NUP43: variants seen among roughly 807,000 people sequenced by gnomAD.
NUP43 encodes nucleoporin Nup43.
A neutral mutation model predicts 47.3 loss-of-function variants in NUP43; 32 were observed. That is an observed-to-expected ratio of 0.68 (90% CI 0.51 to 0.91). The LOEUF is 0.91. NUP43 is among the 40% of genes least tolerant of loss of function. The pLI, the probability that NUP43 is intolerant of heterozygous loss-of-function variation, is 0.00. For missense variants in NUP43, 444 were observed against 453.9 expected, an observed-to-expected ratio of 0.98 and a Z score of 0.20; for synonymous variants, 147 against 158.4, an observed-to-expected ratio of 0.93 and a Z score of 0.54.
chr6:149,740,251 G>C (rs1396476026), intron 4 of NUP43, among the ~76,000 whole-genome samples: 1 of 140,298 alleles, frequency 7.1e-6, no homozygotes, highest in Admixed American at 7.3e-5. Flanking sequence ...ACTCCAGCCT[G>C]GGTGACAGAG....
At position 149,744,359 on chromosome 6, in the gene NUP43, A is replaced by G. The variant is rs1453912402; in HGVS notation, c.244-644T>C. Among the ~76,000 whole-genome samples the G allele has an allele frequency of 2.6e-5, 4 of 151,712 alleles. No individual in the cohort carries two copies. The East Asian group carries it at 7.8e-4, about 30-fold the overall frequency. On this transcript the variant is annotated intron_variant, in intron 2 of 7. Coordinates refer to ENST00000340413, the MANE Select transcript of NUP43 (RefSeq NM_198887.3). ...GCCAATACGTTGAAACCTCATCTCTACTAAAAATACAAAAATTAGCTGGGC... is the reference window on the plus strand; with the variant it reads ...GCCAATACGTTGAAACCTCATCTCTGCTAAAAATACAAAAATTAGCTGGGC...
chr6:149,729,520 T>A (rs1784930626), intron 7 of NUP43: 42 of 984,914 alleles, frequency 4.3e-5, no homozygotes, highest in Non-Finnish European at 4.9e-5. Context: ...CCTTTTCTCC[T>A]AATTCAGAAC....
chr6:149,728,537 T>A, intron 7 of NUP43: 1 of 522,682 alleles, frequency 1.9e-6, no homozygotes, highest in Non-Finnish European at 2.5e-6. Flanking sequence ...TTACTGCCCC[T>A]ACATTTTACA....
At chr6:149,739,044 G>C (rs1458282624) in intron 4 of NUP43, among the ~76,000 whole-genome samples, 7 of 150,228 alleles carry the variant, frequency 4.7e-5, no homozygotes, top group Non-Finnish European at 1.0e-4. Flanking sequence ...GCAATGGCGC[G>C]ATCTCGGCTC....
At chr6:149,746,697 G>C, upstream of NUP43, 2 of 1,524,104 alleles carry the variant, frequency 1.3e-6, no homozygotes, top group Non-Finnish European at 1.8e-6. Flanking sequence ...GCAGCTCTGA[G>C]CAAAGGCAAG....
intron 7 of NUP43, among the ~76,000 whole-genome samples, chr6:149,730,729 G>A (rs1023448834): frequency 1.3e-5 from 2 of 152,004 alleles, no homozygotes; most frequent in African/African-American, 4.8e-5. Context: ...TCAGGAGTTT[G>A]AGAGCAGCCT....
Position 149,726,860 on chromosome 6 carries a change from A to AT in NUP43, c.*108dup. On this transcript the variant is annotated 3_prime_UTR_variant, in exon 8 of 8. Coordinates refer to ENST00000340413, the MANE Select transcript of NUP43 (RefSeq NM_198887.3). ...CATTGACATTAATGGTAGTTTACTGATGTTTCCCCTGCAAATCTCGTATTT... is the reference window on the plus strand; with the variant it reads ...CATTGACATTAATGGTAGTTTACTGATTGTTTCCCCTGCAAATCTCGTATTT... The AT allele has an allele frequency of 1.3e-6, 1 of 785,332 alleles. No homozygotes were observed. The highest frequency in any genetic ancestry group is 2.1e-6 in the Non-Finnish European group (1 of 473,352). The allele number at this position is 785,332 out of a possible 1,614,324, so 48.6% of individuals were successfully genotyped here. A position where few individuals can be genotyped will look rare whatever the true frequency, so the allele number is the denominator to read the frequency against.
At chr6:149,733,248 GAAATAGC>G (rs1417360312) in intron 6 of NUP43, among the ~76,000 whole-genome samples, 1 of 152,126 alleles carries the variant, frequency 6.6e-6, no homozygotes, top group Admixed American at 6.6e-5. Context: ...CTTTATCACA[GAAATAGC>G]AACTGACTTC....
intron 4 of NUP43, among the ~76,000 whole-genome samples, chr6:149,740,811 T>G (rs1050908266): frequency 2.6e-5 from 4 of 152,196 alleles, no homozygotes; most frequent in African/African-American, 9.6e-5. Context: ...TTCTGTGATT[T>G]TGCATTACAG....
intron 7 of NUP43, chr6:149,727,489 A>G: frequency 1.0e-6 from 1 of 985,202 alleles, no homozygotes; most frequent in Non-Finnish European, 1.2e-6. Flanking sequence ...AGTCTCAGAA[A>G]GGTAGCAAAA....
Position 149,746,476 on chromosome 6 carries a change from T to A in NUP43, c.20A>T (p.Lys7Met), listed in dbSNP as rs1293689245. MEEIYA[K>M]FVSQKISKTR... ...TTTGCTGATTTTCTGGGACACAAAC[T>A]TCGCATAAATTTCCTCCATGCCGAA... The change falls in exon 1 of 8, where the codon AAG becomes ATG. Residue 7 changes from lysine (K) to methionine (M), a missense_variant. Physicochemically the swap from Lys to Met is moderately conservative, Grantham distance 95 (BLOSUM62 -1). Coordinates refer to ENST00000340413, the MANE Select transcript of NUP43 (RefSeq NM_198887.3). 1 of 1,614,180 alleles carries A rather than the reference T, an allele frequency of 6.2e-7. No homozygotes were observed. Among genetic ancestry groups the A allele is most frequent in the Admixed American group, 1.7e-5 (1 of 60,016 alleles).
chr6:149,743,825 A>C (rs1214882308), intron 2 of NUP43, 110 bp from the exon 3 acceptor site: 33 of 548,056 alleles, frequency 6.0e-5, no homozygotes, highest in Non-Finnish European at 8.5e-5. Flanking sequence ...TTTAAAAAGC[A>C]AAGAGCCATG....
At chr6:149,746,163 A>G in intron 1 of NUP43, 101 bp from the exon 2 acceptor site, 2 of 1,411,274 alleles carry the variant, frequency 1.4e-6, no homozygotes, top group Non-Finnish European at 2.0e-6. Flanking sequence ...AACATCTCAA[A>G]TGGTATGGTG....
chr6:149,737,170 G>A (rs1315797193), intron 5 of NUP43, among the ~76,000 whole-genome samples: 1 of 151,960 alleles, frequency 6.6e-6, no homozygotes, highest in Non-Finnish European at 1.5e-5. Context: ...TGTAGTTCCA[G>A]CTACTTGGGA....
chr6:149,728,103 C>A (rs1303699586), intron 7 of NUP43: 3 of 985,214 alleles, frequency 3.0e-6, no homozygotes, highest in Admixed American at 6.2e-5. Flanking sequence ...TTTCCTTGAA[C>A]CCTCAGCACT....
rs142836730 is a variant in NUP43, at chr6:149,733,757, C to G, written c.791-2022G>C. On this transcript the variant is annotated intron_variant, in intron 6 of 7. Coordinates refer to ENST00000340413, the MANE Select transcript of NUP43 (RefSeq NM_198887.3). ...TACCGTGCCCAGCCCCAAAGAAATT[C>G]TATATATTCCAAAATCACTTTCAAT... Among the ~76,000 whole-genome samples, 57 of 151,708 alleles carry G rather than the reference C, an allele frequency of 3.8e-4. No individual in the cohort carries two copies. In the East Asian group the frequency reaches 8.2e-3, roughly 22 times the overall value.
intron 6 of NUP43, 123 bp from the exon 7 acceptor site, chr6:149,731,858 G>A (rs970498961): frequency 4.0e-6 from 4 of 991,822 alleles, no homozygotes; most frequent in African/African-American, 1.6e-5. Context: ...CCTCAAGTCT[G>A]TCCTAAAAAT....
At position 149,726,690 on chromosome 6, in the gene NUP43, G is replaced by C; in HGVS notation, c.*279C>G. On this transcript the variant is annotated 3_prime_UTR_variant, in exon 8 of 8. Transcript: ENST00000340413. ...AAAGAATTAGTTCCACAAGCTGTCT[G>C]TCAATAATACTCTGAAGGCAACCTA... 1 of 429,004 alleles carries C rather than the reference G, an allele frequency of 2.3e-6. No homozygotes were observed. Among genetic ancestry groups the C allele is most frequent in the South Asian group, 2.5e-5 (1 of 39,698 alleles). The allele number at this position is 429,004 out of a possible 1,614,324, so 26.6% of individuals were successfully genotyped here. A position where few individuals can be genotyped will look rare whatever the true frequency, so the allele number is the denominator to read the frequency against.
chr6:149,736,043 C>T (rs868677477), intron 6 of NUP43, among the ~76,000 whole-genome samples: 6 of 149,488 alleles, frequency 4.0e-5, no homozygotes, highest in Non-Finnish European at 5.9e-5. Context: ...TTTAGGAGGC[C>T]GAGCTGGGCA....
Sources: allele counts gnomAD v4.1 joint callset (sites outside exome capture counted in the v4.1 genomes callset), GRCh38; gene constraint gnomAD v4.1.1; transcripts MANE v1.5; gene names NCBI Gene and HGNC (gene_info 2026-07-23, HGNC 2026-07-21).